TRMT1L: variants seen among roughly 807,000 people sequenced by gnomAD.
TRMT1L encodes tRNA methyltransferase 1L.
A neutral mutation model predicts 81.6 loss-of-function variants in TRMT1L; 28 were observed. That is an observed-to-expected ratio of 0.34 (90% CI 0.25 to 0.47). The LOEUF is 0.47. TRMT1L is among the 20% of genes least tolerant of loss of function. The probability of loss-of-function intolerance (pLI) is 1.00; values close to 1 mark genes in which losing one functional copy is unlikely to be tolerated. For synonymous variants in TRMT1L, 301 were observed against 303.2 expected (o/e 0.99, Z 0.07); for missense variants, 739 against 877.1 (o/e 0.84, Z 1.99).
At chr1:185,122,768 T>G (rs911876684) in intron 13 of TRMT1L, among the ~76,000 whole-genome samples, 2 of 148,366 alleles carry the variant, frequency 1.3e-5, no homozygotes, top group Non-Finnish European at 3.0e-5. Context: ...AACTGCAGCC[T>G]CTGCCTCCTG....
At position 185,139,614 on chromosome 1, in the gene TRMT1L, A is replaced by T. The variant is rs774674411; in HGVS notation, c.1110-35T>A. On this transcript the variant is annotated intron_variant, in intron 8 of 14. Coordinates refer to ENST00000367506, the MANE Select transcript of TRMT1L (RefSeq NM_030934.5). The stretch of plus-strand genomic sequence containing the variant: ...GAAAGAATATAGACATTTTAAAGTC[A>T]TATTAGTAACAAAAATTATACCACT... 3 of 1,466,988 alleles carry T rather than the reference A, an allele frequency of 2.0e-6. No homozygotes were observed. The African/African-American group carries it at 4.3e-5, about 21-fold the overall frequency. 90.9% of individuals were successfully genotyped at this position (1,466,988 alleles called of 1,614,324 possible). A position where few individuals can be genotyped will look rare whatever the true frequency, so the allele number is the denominator to read the frequency against.
intron 10 of TRMT1L, 103 bp from the exon 11 acceptor site, chr1:185,128,850 T>A: frequency 3.0e-6 from 3 of 994,044 alleles, no homozygotes; most frequent in Non-Finnish European, 3.0e-6. Flanking sequence ...ATACTGAGGA[T>A]CTACTATGTG....
At chr1:185,132,241 G>C (rs1652789213) in intron 10 of TRMT1L, among the ~76,000 whole-genome samples, 2 of 152,034 alleles carry the variant, frequency 1.3e-5, no homozygotes, top group Admixed American at 1.3e-4. Flanking sequence ...TCAGAGGCTG[G>C]GCGCAGTGGC....
At chr1:185,123,360 C>T (rs549978016) in intron 13 of TRMT1L, among the ~76,000 whole-genome samples, 14 of 152,228 alleles carry the variant, frequency 9.2e-5, no homozygotes, top group African/African-American at 3.1e-4. Context: ...TATTTTAAAT[C>T]TTAACATCCT....
chr1:185,145,638 T>G, intron 4 of TRMT1L, 70 bp from the exon 5 acceptor site: 3 of 1,475,876 alleles, frequency 2.0e-6, no homozygotes, highest in East Asian at 4.6e-5. Flanking sequence ...TTTGCAAATT[T>G]AAGTACATTA....
At position 185,143,949 on chromosome 1, in the gene TRMT1L, G is replaced by C. The variant is rs376174771; in HGVS notation, c.736C>G (p.Gln246Glu). ...VQVCPNYSIP[Q>E]KTDSYFNPKM... is the part of the protein sequence containing the mutation. ...GGGTTAAAATAGGAATCTGTTTTCT[G>C]AGGTATAGAATAGTTGGGACAAACT... Residue 246 changes from glutamine to glutamate, a missense_variant, in exon 6 of 15, where the codon CAG becomes GAG. Coordinates refer to ENST00000367506, the MANE Select transcript of TRMT1L (RefSeq NM_030934.5). The C allele has an allele frequency of 9.9e-6, 16 of 1,608,598 alleles. No homozygotes were observed. In the Middle Eastern group the frequency reaches 6.6e-4, roughly 67 times the overall value.
At chr1:185,127,435 C>A (rs1019961654) in intron 11 of TRMT1L, among the ~76,000 whole-genome samples, 3 of 152,094 alleles carry the variant, frequency 2.0e-5, no homozygotes, top group Admixed American at 6.5e-5. Context: ...CAATTCTTGT[C>A]ACAATGTTCT....
rs561916957 is a variant in TRMT1L, at chr1:185,124,126, C to G, written c.1760-207G>C. 1.1e-4 allele frequency among the ~76,000 whole-genome samples: 12 copies of G among 114,018 alleles called. 1 individual carries two copies. The highest frequency in any genetic ancestry group is 7.6e-4 in the Admixed American group (9 of 11,804). 74.8% of individuals were successfully genotyped at this position (114,018 alleles called of 152,430 possible). On this transcript the variant is annotated intron_variant, in intron 12 of 14. Transcript: ENST00000367506. Reference sequence around the variant, plus strand: ...TTATTTATGAGAACACTAGGATATTCAATAGGCTCATATCAATAGTCAGAT... The same window carrying G: ...TTATTTATGAGAACACTAGGATATTGAATAGGCTCATATCAATAGTCAGAT...
chr1:185,146,880 G>GA (rs796720180), intron 4 of TRMT1L, among the ~76,000 whole-genome samples: 75 of 151,814 alleles, frequency 4.9e-4, no homozygotes, highest in African/African-American at 1.6e-3. Flanking sequence ...AATTTTAAGA[G>GA]AAAAAACTAC....
chr1:185,149,582 G>A (rs1653286316), intron 3 of TRMT1L, among the ~76,000 whole-genome samples: 1 of 151,864 alleles, frequency 6.6e-6, no homozygotes, highest in African/African-American at 2.4e-5. Flanking sequence ...GAGATTACAG[G>A]TATGAGCCAC....
intron 1 of TRMT1L, among the ~76,000 whole-genome samples, chr1:185,155,552 T>C (rs924032442): frequency 6.6e-6 from 1 of 152,174 alleles, no homozygotes; most frequent in African/African-American, 2.4e-5. Context: ...TTTATAAATA[T>C]TAAACTCAAA....
In TRMT1L at chr1:185,156,934, C is replaced by G. The variant is rs1571366283; in HGVS notation, c.-222G>C. On this transcript the variant is annotated 5_prime_UTR_variant, in exon 1 of 15. Coordinates refer to ENST00000367506, the MANE Select transcript of TRMT1L (RefSeq NM_030934.5). ...AGCGATTCCAGATGCCCGTCCGCTT[C>G]CCTTTCCCCGAGGCGTTACGACGCC... The G allele has an allele frequency of 2.4e-5, 15 of 626,460 alleles. 1 individual carries two copies. In the South Asian group the frequency reaches 3.1e-4, roughly 13 times the overall value. The allele number at this position is 626,460 out of a possible 1,614,324, so 38.8% of individuals were successfully genotyped here. A position where few individuals can be genotyped will look rare whatever the true frequency, so the allele number is the denominator to read the frequency against.
At chr1:185,154,195 A>G (rs1653434406) in intron 1 of TRMT1L, among the ~76,000 whole-genome samples, 1 of 152,148 alleles carries the variant, frequency 6.6e-6, no homozygotes, top group Admixed American at 6.5e-5. Context: ...AATTTTTCAT[A>G]TTATTATTAT....
At chr1:185,134,679 A>T (rs1438291801) in intron 10 of TRMT1L, among the ~76,000 whole-genome samples, 1 of 152,280 alleles carries the variant, frequency 6.6e-6, no homozygotes, top group African/African-American at 2.4e-5. Context: ...CATACATAAG[A>T]AAGAAAAATT....
At chr1:185,150,668 A>G (rs1166588157) in intron 2 of TRMT1L, among the ~76,000 whole-genome samples, 176 bp from the exon 3 acceptor site, 2 of 152,090 alleles carry the variant, frequency 1.3e-5, no homozygotes, top group Non-Finnish European at 1.5e-5. Context: ...GTTGCAGCAC[A>G]TGATCAGTGA....
rs1409686297 is a variant in TRMT1L, at chr1:185,156,817, G to A, written c.-105C>T. 1 of 1,474,216 alleles carries A rather than the reference G, an allele frequency of 6.8e-7. No individual in the cohort carries two copies. The highest frequency in any genetic ancestry group is 9.1e-7 in the Non-Finnish European group (1 of 1,098,628). The allele number at this position is 1,474,216 out of a possible 1,614,324, so 91.3% of individuals were successfully genotyped here. A position where few individuals can be genotyped will look rare whatever the true frequency, so the allele number is the denominator to read the frequency against. ...CACAGGGCTGGATCCAAGGAGTGGG[G>A]AAGCAAGTGGGGAGGGCGGGATGCG... On this transcript the variant is annotated 5_prime_UTR_variant, in exon 1 of 15. Coordinates refer to ENST00000367506, the MANE Select transcript of TRMT1L (RefSeq NM_030934.5).
intron 10 of TRMT1L, among the ~76,000 whole-genome samples, chr1:185,134,893 A>G (rs1475499309): frequency 1.3e-5 from 2 of 152,260 alleles, no homozygotes; most frequent in African/African-American, 4.8e-5. Flanking sequence ...GATGACATAT[A>G]CAGAATATTA....
chr1:185,147,014 T>C (rs1324001153), intron 4 of TRMT1L, among the ~76,000 whole-genome samples, 168 bp downstream of exon 4: 1 of 149,298 alleles, frequency 6.7e-6, no homozygotes, highest in African/African-American at 2.5e-5. Flanking sequence ...AATTATTTTT[T>C]TTCATACATT....
In TRMT1L at chr1:185,118,667, G is replaced by A. The variant is rs547492690; in HGVS notation, c.*1352C>T. The A allele has an allele frequency of 8.5e-5, 13 of 152,060 alleles. No individual in the cohort carries two copies. Among genetic ancestry groups the A allele is most frequent in the African/African-American group, 2.4e-4 (10 of 41,470 alleles). The allele number at this position is 152,060 out of a possible 1,614,324, so 9.4% of individuals were successfully genotyped here. A position where few individuals can be genotyped will look rare whatever the true frequency, so the allele number is the denominator to read the frequency against. On this transcript the variant is annotated 3_prime_UTR_variant, in exon 15 of 15. Transcript: ENST00000367506. ...ACTTCACCTATTTCTTGATTTTACC[G>A]AAATTTATGACCACATTAATTGGAG...
Sources: allele counts gnomAD v4.1 joint callset (sites outside exome capture counted in the v4.1 genomes callset), GRCh38; gene constraint gnomAD v4.1.1; transcripts MANE v1.5; gene names NCBI Gene and HGNC (gene_info 2026-07-23, HGNC 2026-07-21).